UNC13B: variants seen among roughly 807,000 people sequenced by gnomAD.
UNC13B encodes unc-13 homolog B.
Under a neutral mutation model 211.0 loss-of-function variants are expected in UNC13B, and 144 were observed. The ratio of observed to expected loss-of-function variants is 0.68; its 90% CI spans 0.60 to 0.78. The LOEUF (loss-of-function observed/expected upper bound fraction) is 0.78. Ranked by LOEUF, UNC13B falls within the 30% of genes least tolerant of loss-of-function variation. UNC13B has a pLI of 0.00. For missense variants in UNC13B, 1,777 were observed against 2,002.0 expected, an observed-to-expected ratio of 0.89 and a Z score of 2.14; for synonymous variants, 709 against 725.8, an observed-to-expected ratio of 0.98 and a Z score of 0.37.
chr9:35,295,262 A>G (rs554571669), intron 7 of UNC13B, among the ~76,000 whole-genome samples: 2 of 152,304 alleles, frequency 1.3e-5, no homozygotes, highest in Non-Finnish European at 2.9e-5. Context: ...CGTTAAATAA[A>G]AGTTTTGGGG....
chr9:35,229,298 A>T (rs975388432), intron 2 of UNC13B, among the ~76,000 whole-genome samples: 16 of 152,224 alleles, frequency 1.1e-4, no homozygotes, highest in Non-Finnish European at 2.2e-4. Flanking sequence ...CCTTGGGTGC[A>T]ACAGTAATGA....
intron 1 of UNC13B, among the ~76,000 whole-genome samples, chr9:35,183,888 T>G (rs1822163153): frequency 8.6e-6 from 1 of 115,722 alleles, no homozygotes; most frequent in Non-Finnish European, 1.7e-5. Flanking sequence ...GACGGGGTGG[T>G]GGCCGGGCAG....
At position 35,237,803 on chromosome 9, in the gene UNC13B, A is replaced by G. The variant is rs1825595232; in HGVS notation, c.371A>G (p.Asp124Gly). 6.2e-7 allele frequency: 1 copy of G among 1,613,266 alleles called. No individual in the cohort carries two copies. Among genetic ancestry groups the G allele is most frequent in the Non-Finnish European group, 8.5e-7 (1 of 1,179,796 alleles). ...RNPTPHKILL[D>G]TRFELPFDIP... ...CCAACTCCTCATAAAATTTTGCTTG[A>G]TACAAGATTTGAGTTGCCTTTTGGT... The change falls in exon 5 of 40, where the codon GAT becomes GGT. Residue 124 changes from aspartate (D) to glycine (G), a missense_variant. Physicochemically the swap from Asp to Gly is moderately conservative, Grantham distance 94. Coordinates refer to ENST00000635942, the MANE Select transcript of UNC13B (RefSeq NM_001371189.2).
chr9:35,212,096 A>G (rs187730905), intron 1 of UNC13B, among the ~76,000 whole-genome samples: 1 of 152,364 alleles, frequency 6.6e-6, no homozygotes, highest in Non-Finnish European at 1.5e-5. Context: ...GGATAAAAAT[A>G]TCTGAGCTAA....
rs769306465 is a variant in UNC13B at position 35,403,132 on chromosome 9, T to C, written c.12485-35T>C. The stretch of plus-strand genomic sequence containing the variant: ...CCCTCAGGTTTACCTCCTACAGTTC[T>C]CCAATGGGGAATCATCTCTCCATTT... On this transcript the variant is annotated intron_variant, in intron 37 of 39. Transcript: ENST00000635942. 82 of 1,604,616 alleles carry C rather than the reference T, an allele frequency of 5.1e-5. No homozygotes were observed. In the Admixed American group the frequency reaches 1.3e-3, roughly 26 times the overall value.
intron 11 of UNC13B, chr9:35,342,340 G>A (rs571758183): frequency 1.9e-5 from 19 of 985,516 alleles, no homozygotes; most frequent in Non-Finnish European, 1.9e-5. Flanking sequence ...GGTTGCAGCA[G>A]CAAGGTAAGT....
intron 6 of UNC13B, among the ~76,000 whole-genome samples, chr9:35,250,957 C>CTTTTTTTTTTTTTTTTTT (rs35077779): frequency 1.3e-5 from 1 of 77,060 alleles, no homozygotes; most frequent in Non-Finnish European, 2.4e-5. Flanking sequence ...GTTACTCTTC[C>CTTTTTTTTTTTTTTTTTT]TTTTTTTTTT....
intron 7 of UNC13B, among the ~76,000 whole-genome samples, chr9:35,278,664 C>T (rs1828311590): frequency 6.6e-6 from 1 of 151,368 alleles, no homozygotes; most frequent in Non-Finnish European, 1.5e-5. Context: ...GCATCCTAAT[C>T]ATTCTGGAGT....
At chr9:35,263,703 ATAT>A (rs1322169544) in intron 7 of UNC13B, among the ~76,000 whole-genome samples, 4 of 152,134 alleles carry the variant, frequency 2.6e-5, no homozygotes, top group African/African-American at 7.2e-5. Context: ...TCAACACTCA[ATAT>A]TATTATATTT....
intron 7 of UNC13B, among the ~76,000 whole-genome samples, chr9:35,273,502 C>T (rs1828007500): frequency 1.3e-5 from 2 of 152,182 alleles, no homozygotes; most frequent in African/African-American, 4.8e-5. Context: ...TATTCAAATA[C>T]TCCTCTTATA....
chr9:35,232,484 T>C (rs1207757506), intron 3 of UNC13B, among the ~76,000 whole-genome samples: 1 of 152,000 alleles, frequency 6.6e-6, no homozygotes, highest in Non-Finnish European at 1.5e-5. Context: ...ACCCAGCTTA[T>C]ATTGCTTCCT....
At chr9:35,315,821 T>C (rs1435146340) in intron 11 of UNC13B, among the ~76,000 whole-genome samples, 1 of 152,216 alleles carries the variant, frequency 6.6e-6, no homozygotes, top group African/African-American at 2.4e-5. Flanking sequence ...GCTTTTCATT[T>C]TGTAGCATGT....
intron 11 of UNC13B, among the ~76,000 whole-genome samples, chr9:35,321,193 G>T (rs540193493): frequency 6.6e-6 from 1 of 151,750 alleles, no homozygotes; most frequent in African/African-American, 2.4e-5. Flanking sequence ...TCTTATATAG[G>T]TATTTTATAA....
At chr9:35,182,183 C>G (rs1435414002) in intron 1 of UNC13B, among the ~76,000 whole-genome samples, 1 of 152,196 alleles carries the variant, frequency 6.6e-6, no homozygotes, top group Non-Finnish European at 1.5e-5. Flanking sequence ...CTTCCTACTT[C>G]TCACCTTTAA....
At position 35,390,629 on chromosome 9, in the gene UNC13B, G is replaced by C. The variant is rs375286155; in HGVS notation, c.11223G>C (p.Gln3741His). The C allele has an allele frequency of 3.1e-6, 5 of 1,613,650 alleles. No individual in the cohort carries two copies. The African/African-American group carries it at 6.7e-5, about 22-fold the overall frequency. ...DKNSYTPVLN[Q>H]FPQELNVGKV... Reference sequence around the variant, plus strand: ...GACTGTGGTTTCTTCTGTCATCCAGGTTTCCTCAGGAGTTGAATGTGGGAA... The same window carrying C: ...GACTGTGGTTTCTTCTGTCATCCAGCTTTCCTCAGGAGTTGAATGTGGGAA... The change falls in exon 26 of 40, where the codon CAG becomes CAC. Residue 3741 changes from glutamine to histidine, a missense_variant and splice_region_variant. Physicochemically the swap from Gln to His is conservative, Grantham distance 24. Transcript: ENST00000635942.
chr9:35,355,222 C>A (rs1338643871), intron 11 of UNC13B, among the ~76,000 whole-genome samples: 1 of 152,128 alleles, frequency 6.6e-6, no homozygotes, highest in African/African-American at 2.4e-5. Flanking sequence ...ATAATGTCTG[C>A]TTGTATATGT....
At position 35,328,646 on chromosome 9, in the gene UNC13B, T is replaced by TCCTTCCTC. The variant is rs1554703686; in HGVS notation, c.9414+14664_9414+14665insCCCTTCCT. On this transcript the variant is annotated intron_variant, in intron 11 of 39. Coordinates refer to ENST00000635942, the MANE Select transcript of UNC13B (RefSeq NM_001371189.2). ...TTCCTTCCTTCCTTCCTTCCTTCCT[T>TCCTTCCTC]CCTTCCTTCCTTCCTTCCTCCCTCC... Among the ~76,000 whole-genome samples, 561 of 83,890 alleles carry TCCTTCCTC rather than the reference T, an allele frequency of 6.7e-3. 3 individuals are homozygous for TCCTTCCTC. Among genetic ancestry groups the TCCTTCCTC allele is most frequent in the African/African-American group, 0.011 (223 of 20,018 alleles). The allele number at this position is 83,890 out of a possible 152,430, so 55.0% of individuals were successfully genotyped here.
At chr9:35,289,149 A>G (rs1335734253) in intron 7 of UNC13B, among the ~76,000 whole-genome samples, 1 of 152,186 alleles carries the variant, frequency 6.6e-6, no homozygotes, top group Non-Finnish European at 1.5e-5. Flanking sequence ...AGTGCCTAGG[A>G]AGAAAATTGG....
chr9:35,308,788 G>A (rs1000801100), intron 9 of UNC13B, among the ~76,000 whole-genome samples: 8 of 152,198 alleles, frequency 5.3e-5, no homozygotes, highest in Admixed American at 5.2e-4. Flanking sequence ...GATAGGCTAG[G>A]ATGCTTCCTT....
Sources: gnomAD v4.1 joint callset for allele counts (sites outside exome capture counted in the v4.1 genomes callset) on GRCh38, gnomAD v4.1.1 for gene constraint, MANE v1.5 for transcripts, NCBI Gene and HGNC (gene_info 2026-07-23, HGNC 2026-07-21) for gene names.